Variants in ARMH3 observed in about 807,000 individuals in gnomAD.
ARMH3 encodes the protein armadillo-like helical domain-containing protein 3.
ARMH3 carries 60 observed loss-of-function variants against 99.1 expected under a neutral mutation model. That is an observed-to-expected ratio of 0.61 (90% confidence interval 0.49 to 0.75). ARMH3 has a LOEUF of 0.75. ARMH3 is among the 30% of genes least tolerant of loss of function. The pLI is 0.00. For missense variants in ARMH3, 679 were observed against 843.1 expected, an observed-to-expected ratio of 0.81 and a Z score of 2.41; for synonymous variants, 285 against 292.8, an observed-to-expected ratio of 0.97 and a Z score of 0.27.
chr10:101,960,822 G>A (rs1468322557), intron 20 of ARMH3, among the ~76,000 whole-genome samples: 5 of 151,354 alleles, frequency 3.3e-5, no homozygotes, highest in South Asian at 4.2e-4. Flanking sequence ...CCTGGAAGGC[G>A]GAGTTTGCAG....
chr10:101,850,136 C>T (rs1321645712), intron 24 of ARMH3, among the ~76,000 whole-genome samples: 3 of 127,130 alleles, frequency 2.4e-5, no homozygotes, highest in Non-Finnish European at 4.7e-5. Context: ...CTTGCTCTGT[C>T]GCTCAGGCTG....
intron 24 of ARMH3, among the ~76,000 whole-genome samples, chr10:101,875,358 T>C (rs886766016): frequency 6.6e-6 from 1 of 152,190 alleles, no homozygotes; most frequent in African/African-American, 2.4e-5. Flanking sequence ...CAAGATAATC[T>C]GAATCTCTCT....
Position 102,031,974 on chromosome 10 carries a change from G to A in ARMH3, c.306+1052C>T, listed in dbSNP as rs182846808. On this transcript the variant is annotated intron_variant, in intron 4 of 25. Coordinates refer to ENST00000370033, the MANE Select transcript of ARMH3 (RefSeq NM_024541.3). ...AGGATGGTCTCGATCTCCTGATCTC[G>A]TGATCCTCCCGCCTTGGCCTCCCAA... Among the ~76,000 whole-genome samples, 19 of 152,222 alleles carry A rather than the reference G, an allele frequency of 1.2e-4. No individual in the cohort carries two copies. The East Asian group carries it at 3.3e-3, about 26-fold the overall frequency.
chr10:101,850,251 C>T (rs2066564049), intron 24 of ARMH3, among the ~76,000 whole-genome samples: 1 of 150,468 alleles, frequency 6.6e-6, no homozygotes, highest in South Asian at 2.1e-4. Flanking sequence ...GGGCACATCA[C>T]CACACCTGGC....
chr10:101,863,793 C>T (rs1386677672), intron 24 of ARMH3, among the ~76,000 whole-genome samples: 1 of 151,640 alleles, frequency 6.6e-6, no homozygotes, highest in African/African-American at 2.4e-5. Flanking sequence ...CCAGGCACAG[C>T]GGCTCACACC....
At position 101,886,013 on chromosome 10, in the gene ARMH3, C is replaced by T. The variant is rs542385088; in HGVS notation, c.1860+3399G>A. 3.7e-3 allele frequency among the ~76,000 whole-genome samples: 550 copies of T among 150,154 alleles called. 2 individuals are homozygous for T. The highest frequency in any genetic ancestry group is 5.7e-3 in the Non-Finnish European group (383 of 67,596). ...CAGAGGTTGCGGTGAGCCAAGATCG[C>T]GCCATTGCACTCCAGCCTGGGCAAC... On this transcript the variant is annotated intron_variant, in intron 24 of 25. Transcript: ENST00000370033.
At chr10:102,053,214 TAAAA>T (rs1191838493) in intron 1 of ARMH3, among the ~76,000 whole-genome samples, 30 of 49,008 alleles carry the variant, frequency 6.1e-4, no homozygotes, top group African/African-American at 1.9e-3. Context: ...CCTCAGAAGC[TAAAA>T]AAAAAAAAAA....
intron 1 of ARMH3, among the ~76,000 whole-genome samples, chr10:102,052,215 C>A (rs1005714256): frequency 1.3e-5 from 2 of 151,950 alleles, no homozygotes. Context: ...CCATAATCAT[C>A]TTCTTCCCCC....
At chr10:101,924,823 A>G (rs1026706796) in intron 23 of ARMH3, among the ~76,000 whole-genome samples, 1 of 151,928 alleles carries the variant, frequency 6.6e-6, no homozygotes, top group African/African-American at 2.4e-5. Flanking sequence ...GTGAAACCCC[A>G]TCTCTACTAA....
At chr10:101,944,273 T>TATATATATATATAG (rs1844401380) in intron 22 of ARMH3, among the ~76,000 whole-genome samples, 1 of 25,406 alleles carries the variant, frequency 3.9e-5, no homozygotes. Context: ...TATATATATA[T>TATATATATATATAG]AGAGAGAGAG....
chr10:101,964,525 A>G (rs187182735), intron 20 of ARMH3, among the ~76,000 whole-genome samples: 139 of 152,372 alleles, frequency 9.1e-4, no homozygotes, highest in Non-Finnish European at 1.5e-3. Flanking sequence ...TGGTATATAC[A>G]TATGGCAGAA....
chr10:101,862,015 C>T (rs938237029), intron 24 of ARMH3, among the ~76,000 whole-genome samples: 1 of 136,598 alleles, frequency 7.3e-6, no homozygotes, highest in African/African-American at 2.7e-5. Context: ...TGCCACTGCA[C>T]TCCAGCCTGG....
intron 23 of ARMH3, among the ~76,000 whole-genome samples, chr10:101,917,688 A>G (rs923421624): frequency 1.1e-4 from 17 of 152,216 alleles, no homozygotes; most frequent in Admixed American, 6.5e-5. Context: ...CAATTTCCCA[A>G]GGGAATAGCT....
intron 20 of ARMH3, among the ~76,000 whole-genome samples, chr10:101,964,206 C>T (rs1467111988): frequency 6.6e-6 from 1 of 152,028 alleles, no homozygotes; most frequent in East Asian, 1.9e-4. Context: ...GACAGGGTTT[C>T]GCCACGTTGG....
At chr10:102,028,656 A>C (rs1428691351) in intron 5 of ARMH3, among the ~76,000 whole-genome samples, 4 of 152,206 alleles carry the variant, frequency 2.6e-5, no homozygotes. Flanking sequence ...TACATATGAT[A>C]TGATTCCATT....
At chr10:101,873,453 G>A (rs2067184709) in intron 24 of ARMH3, among the ~76,000 whole-genome samples, 1 of 151,940 alleles carries the variant, frequency 6.6e-6, no homozygotes, top group Non-Finnish European at 1.5e-5. Context: ...ACCCAGCGTG[G>A]CAGTTTCTTT....
intron 22 of ARMH3, among the ~76,000 whole-genome samples, chr10:101,955,525 GA>G (rs914304104): frequency 6.6e-6 from 1 of 151,400 alleles, no homozygotes; most frequent in African/African-American, 2.4e-5. Flanking sequence ...AAGTATACTA[GA>G]AAAAAAAATA....
chr10:102,032,121 T>C (rs895635751), intron 4 of ARMH3, among the ~76,000 whole-genome samples: 1 of 152,222 alleles, frequency 6.6e-6, no homozygotes, highest in Non-Finnish European at 1.5e-5. Context: ...AGACTAAATT[T>C]TAGAAACTTT....
chr10:102,049,438 A>G (rs986749590), intron 1 of ARMH3, among the ~76,000 whole-genome samples: 14 of 152,030 alleles, frequency 9.2e-5, no homozygotes, highest in Admixed American at 7.2e-4. Context: ...GCTACTCAGG[A>G]GGCTGAGGCA....
Sources: allele counts gnomAD v4.1 joint callset (sites outside exome capture counted in the v4.1 genomes callset), GRCh38; gene constraint gnomAD v4.1.1; transcripts MANE v1.5; gene names NCBI Gene and HGNC (gene_info 2026-07-23, HGNC 2026-07-21).